The following PPM1H variants were observed in gnomAD, a reference collection of about 807,000 sequenced individuals.
The protein encoded by PPM1H is protein phosphatase, Mg2+/Mn2+ dependent 1H.
Under a neutral mutation model 54.9 loss-of-function variants are expected in PPM1H, and 27 were observed. The observed-to-expected ratio is 0.49, with a 90% confidence interval of 0.36 to 0.68. PPM1H has a LOEUF of 0.68. Ranked by LOEUF, PPM1H falls within the 30% of genes least tolerant of loss-of-function variation. The pLI is 0.00. For synonymous variants in PPM1H, 305 were observed against 270.8 expected, an observed-to-expected ratio of 1.13 and a Z score of -1.24; for missense variants, 596 against 667.8, an observed-to-expected ratio of 0.89 and a Z score of 1.19.
rs1427978614 is a variant in PPM1H, at chr12:62,677,686, G to A, written c.1246-10357C>T. On this transcript the variant is annotated intron_variant, in intron 8 of 9. Transcript: ENST00000228705. Reference sequence around the variant, plus strand: ...CATGGGGTCTGGGCCAGTAGCAAAAGCTGAGCGCAGCCTGCCAGGCTGAGT... The same window carrying A: ...CATGGGGTCTGGGCCAGTAGCAAAAACTGAGCGCAGCCTGCCAGGCTGAGT... 2.0e-5 allele frequency among the ~76,000 whole-genome samples: 3 copies of A among 152,180 alleles called. No individual in the cohort carries two copies. In the South Asian group the frequency reaches 6.2e-4, roughly 32 times the overall value.
chr12:62,780,882 G>C (rs938413669), intron 4 of PPM1H, among the ~76,000 whole-genome samples: 2 of 152,172 alleles, frequency 1.3e-5, no homozygotes, highest in Non-Finnish European at 2.9e-5. Flanking sequence ...CAGCAGCCAG[G>C]CATAGAAAAG....
At chr12:62,755,830 C>A in intron 4 of PPM1H, 2 of 811,278 alleles carry the variant, frequency 2.5e-6, no homozygotes, top group Non-Finnish European at 4.3e-6. Context: ...ACAGCCACGG[C>A]GCTCTCCAGA....
intron 2 of PPM1H, among the ~76,000 whole-genome samples, chr12:62,812,697 C>T (rs910612262): frequency 5.6e-4 from 85 of 151,554 alleles, no homozygotes; most frequent in African/African-American, 2.1e-3. Flanking sequence ...ACAGTAGGCT[C>T]ACTATCACAT....
chr12:62,766,786 T>C (rs1038652189), intron 4 of PPM1H, among the ~76,000 whole-genome samples: 32 of 152,328 alleles, frequency 2.1e-4, no homozygotes, highest in Non-Finnish European at 1.5e-5. Flanking sequence ...CAGGAAACCA[T>C]TGTGCAGGGC....
intron 4 of PPM1H, among the ~76,000 whole-genome samples, chr12:62,780,948 A>T (rs777580891): frequency 3.9e-5 from 6 of 152,186 alleles, no homozygotes; most frequent in Non-Finnish European, 8.8e-5. Context: ...CAAATATTCT[A>T]CTTCTATGAA....
At chr12:62,761,625 G>A (rs2076509883) in intron 4 of PPM1H, among the ~76,000 whole-genome samples, 1 of 152,086 alleles carries the variant, frequency 6.6e-6, no homozygotes, top group African/African-American at 2.4e-5. Context: ...CATTGCCCCA[G>A]CCTTATAGGC....
At chr12:62,736,065 T>C (rs1384021264) in intron 5 of PPM1H, among the ~76,000 whole-genome samples, 2 of 152,130 alleles carry the variant, frequency 1.3e-5, no homozygotes, top group Non-Finnish European at 2.9e-5. Context: ...CAAAGGCTTT[T>C]AGATAGGGGA....
intron 3 of PPM1H, among the ~76,000 whole-genome samples, chr12:62,796,747 G>C (rs1018331968): frequency 1.3e-5 from 2 of 152,194 alleles, no homozygotes; most frequent in Non-Finnish European, 2.9e-5. Flanking sequence ...TCATGAGGTT[G>C]AGGATGCGTG....
chr12:62,832,067 T>C, intron 2 of PPM1H, 47 bp downstream of exon 2: 1 of 1,588,994 alleles, frequency 6.3e-7, no homozygotes. Context: ...GACCAAAGTG[T>C]GTGCCATTCT....
At chr12:62,815,693 T>C (rs1421427037) in intron 2 of PPM1H, among the ~76,000 whole-genome samples, 1 of 151,860 alleles carries the variant, frequency 6.6e-6, no homozygotes, top group Non-Finnish European at 1.5e-5. Flanking sequence ...CTCACTTCAC[T>C]CTAATAAGCC....
intron 1 of PPM1H, among the ~76,000 whole-genome samples, chr12:62,881,920 T>C (rs955588619): frequency 6.6e-6 from 1 of 152,164 alleles, no homozygotes; most frequent in African/African-American, 2.4e-5. Flanking sequence ...GCTTCTATGA[T>C]GGACATGTTC....
At chr12:62,710,164 C>G (rs928692580) in intron 6 of PPM1H, among the ~76,000 whole-genome samples, 10 of 152,100 alleles carry the variant, frequency 6.6e-5, no homozygotes, top group African/African-American at 1.9e-4. Context: ...CAAGGACATG[C>G]TTTAACCACA....
intron 2 of PPM1H, among the ~76,000 whole-genome samples, chr12:62,831,776 C>A (rs11174683): frequency 4.8e-5 from 7 of 146,762 alleles, no homozygotes; most frequent in Admixed American, 1.3e-4. Context: ...TATATACACA[C>A]ATATATATAC....
intron 1 of PPM1H, among the ~76,000 whole-genome samples, chr12:62,896,324 G>A (rs1870986574): frequency 6.6e-6 from 1 of 152,110 alleles, no homozygotes. Context: ...CCTACAGAAT[G>A]GGAGAAAATT....
intron 1 of PPM1H, among the ~76,000 whole-genome samples, chr12:62,892,244 T>G (rs1196794201): frequency 6.6e-6 from 1 of 152,226 alleles, no homozygotes; most frequent in Non-Finnish European, 1.5e-5. Flanking sequence ...GGAAGTTTGA[T>G]AAATTGATGT....
At chr12:62,801,458 C>T (rs182924626) in intron 3 of PPM1H, among the ~76,000 whole-genome samples, 2 of 152,212 alleles carry the variant, frequency 1.3e-5, no homozygotes, top group Non-Finnish European at 2.9e-5. Context: ...GCTGGGATTA[C>T]AGGCAACGGC....
chr12:62,694,057 C>T, intron 6 of PPM1H, 58 bp from the exon 7 acceptor site: 1 of 1,447,810 alleles, frequency 6.9e-7, no homozygotes, highest in Non-Finnish European at 9.5e-7. Context: ...GACCTGCTGC[C>T]CTGACACCGA....
chr12:62,810,360 G>A (rs577503055), intron 2 of PPM1H, among the ~76,000 whole-genome samples: 89 of 152,226 alleles, frequency 5.8e-4, no homozygotes, highest in African/African-American at 2.1e-3. Flanking sequence ...TGGGACCCTG[G>A]GAATCTCAGA....
chr12:62,741,823 G>C (rs2076382627), intron 4 of PPM1H, among the ~76,000 whole-genome samples: 1 of 152,186 alleles, frequency 6.6e-6, no homozygotes, highest in South Asian at 2.1e-4. Flanking sequence ...TGGATAAGTG[G>C]CTAAATAGAT....
Sources: gnomAD v4.1 joint callset for allele counts (sites outside exome capture counted in the v4.1 genomes callset) on GRCh38, gnomAD v4.1.1 for gene constraint, MANE v1.5 for transcripts, NCBI Gene and HGNC (gene_info 2026-07-23, HGNC 2026-07-21) for gene names.